The following LARP4B variants were observed in gnomAD, a reference collection of about 807,000 sequenced individuals.
LARP4B encodes la-related protein 4B.
In LARP4B, 12 loss-of-function variants were observed where a neutral mutation model predicts 89.8. The observed-to-expected ratio is 0.13, with a 90% CI of 0.09 to 0.22. The LOEUF (loss-of-function observed/expected upper bound fraction) is 0.22. Ranked by LOEUF, LARP4B falls within the 10% of genes least tolerant of loss-of-function variation. The pLI is 1.00. For synonymous variants in LARP4B, 367 were observed against 363.3 expected (o/e 1.01, Z -0.12); for missense variants, 757 against 947.7 (o/e 0.80, Z 2.64).
chr10:874,803 C>T (rs904831874), intron 3 of LARP4B, among the ~76,000 whole-genome samples: 1 of 152,026 alleles, frequency 6.6e-6, no homozygotes, highest in Non-Finnish European at 1.5e-5. Flanking sequence ...GTAACAAGAA[C>T]ACTTATGAAT....
chr10:959,203 G>C, the LARP4B span, among the ~76,000 whole-genome samples: 466 of 152,302 alleles, frequency 3.1e-3, 2 homozygotes, highest in African/African-American at 0.011. Flanking sequence ...GAAAATGTGA[G>C]ATGTACTGGG....
At chr10:867,525 T>G (rs1414737197) in intron 3 of LARP4B, among the ~76,000 whole-genome samples, 5 of 152,238 alleles carry the variant, frequency 3.3e-5, no homozygotes, top group Admixed American at 2.0e-4. Context: ...TAAAATATGG[T>G]TATTCTCTTG....
At chr10:832,847 T>C (rs887631319) in intron 8 of LARP4B, among the ~76,000 whole-genome samples, 4 of 152,162 alleles carry the variant, frequency 2.6e-5, no homozygotes, top group Non-Finnish European at 4.4e-5. Flanking sequence ...AAAGTCCAGA[T>C]TGACATAAAG....
At chr10:882,704 T>C (rs895050626) in intron 3 of LARP4B, among the ~76,000 whole-genome samples, 1 of 152,252 alleles carries the variant, frequency 6.6e-6, no homozygotes, top group Non-Finnish European at 1.5e-5. Flanking sequence ...AGTAAGCTTT[T>C]TGGAGAGGGC....
At chr10:909,350 CTCCAAGCACAGAA>C (rs888651134) in intron 1 of LARP4B, among the ~76,000 whole-genome samples, 9 of 150,274 alleles carry the variant, frequency 6.0e-5, no homozygotes, top group Admixed American at 1.3e-4. Flanking sequence ...ATGTCACTGA[CTCCAAGCACAGAA>C]TCCAACAACA....
the LARP4B span, among the ~76,000 whole-genome samples, chr10:938,983 G>A: frequency 6.6e-6 from 1 of 152,170 alleles, no homozygotes; most frequent in Non-Finnish European, 1.5e-5. Context: ...GTTGAAGCTG[G>A]GTGTGATGGG....
At chr10:858,804 A>G (rs1235715178) in intron 5 of LARP4B, among the ~76,000 whole-genome samples, 2 of 152,228 alleles carry the variant, frequency 1.3e-5, no homozygotes, top group Non-Finnish European at 2.9e-5. Flanking sequence ...ACCATTAGGG[A>G]AATGCAAGCC....
chr10:874,356 A>G (rs951477108), intron 3 of LARP4B, among the ~76,000 whole-genome samples: 2 of 152,230 alleles, frequency 1.3e-5, no homozygotes, highest in African/African-American at 2.4e-5. Flanking sequence ...TGAGCACTCC[A>G]ATTAAGAAAA....
chr10:903,492 A>C (rs1168237246), intron 1 of LARP4B: 3 of 152,238 alleles, frequency 2.0e-5, no homozygotes, highest in Admixed American at 1.3e-4. Context: ...TCTCCATAAA[A>C]ATCTTTGCTT....
In LARP4B at chr10:812,039, A is replaced by T. The variant is rs1182610717; in HGVS notation, c.*887T>A. The T allele has an allele frequency of 2.0e-5, 3 of 152,668 alleles. No homozygotes were observed. The highest frequency in any genetic ancestry group is 6.5e-5 in the Admixed American group (1 of 15,278). The allele number at this position is 152,668 out of a possible 1,614,324, so 9.5% of individuals were successfully genotyped here. A position where few individuals can be genotyped will look rare whatever the true frequency, so the allele number is the denominator to read the frequency against. On this transcript the variant is annotated 3_prime_UTR_variant, in exon 18 of 18. Transcript: ENST00000316157. ...GAGGTACAGGGAGATGTCCACACGGAGCTGAAGATGTGGACTCTCTCCAAC... is the reference window on the plus strand; with the variant it reads ...GAGGTACAGGGAGATGTCCACACGGTGCTGAAGATGTGGACTCTCTCCAAC...
chr10:923,938 A>G (rs1837061005), intron 1 of LARP4B, among the ~76,000 whole-genome samples: 1 of 152,246 alleles, frequency 6.6e-6, no homozygotes, highest in African/African-American at 2.4e-5. Context: ...TTTAAGACAT[A>G]TTTTATAAAC....
At position 928,800 on chromosome 10, in the gene LARP4B, A is replaced by C. The variant is rs77136809; in HGVS notation, c.-40+2628T>G. Among the ~76,000 whole-genome samples, 1,286 of 152,174 alleles carry C rather than the reference A, an allele frequency of 8.5e-3. 21 individuals are homozygous for C. The highest frequency in any genetic ancestry group is 0.029 in the African/African-American group (1,195 of 41,506). On this transcript the variant is annotated intron_variant, in intron 1 of 17. Transcript: ENST00000316157. ...TCTCTCTATGTTGCCCAGGCTGGTG[A>C]ACTCCTGGGCTCCTAAACTCACCTA...
chr10:900,112 G>A (rs755756060), intron 1 of LARP4B, among the ~76,000 whole-genome samples: 2 of 152,090 alleles, frequency 1.3e-5, no homozygotes, highest in African/African-American at 2.4e-5. Context: ...TTGGGAGGCC[G>A]AGGCGGGTGG....
At chr10:928,160 T>C (rs1661901623) in intron 1 of LARP4B, among the ~76,000 whole-genome samples, 1 of 150,418 alleles carries the variant, frequency 6.6e-6, no homozygotes, top group South Asian at 2.1e-4. Context: ...AGGCGGAGGA[T>C]GCAGTGAGCC....
At chr10:967,115 G>A in the LARP4B span, among the ~76,000 whole-genome samples, 1 of 152,236 alleles carries the variant, frequency 6.6e-6, no homozygotes, top group African/African-American at 2.4e-5. Flanking sequence ...CAGAGCTGCA[G>A]TCAGCCTGGT....
the LARP4B span, chr10:985,550 C>G: frequency 6.6e-6 from 1 of 152,212 alleles, no homozygotes; most frequent in Non-Finnish European, 1.5e-5. Context: ...TGTAATTCTG[C>G]AGAGAATGTC....
chr10:874,607 C>A (rs1039422009), intron 3 of LARP4B, among the ~76,000 whole-genome samples: 2 of 152,122 alleles, frequency 1.3e-5, no homozygotes, highest in Admixed American at 6.5e-5. Context: ...ATAAGTAATT[C>A]TTTTTCTTAT....
the LARP4B span, among the ~76,000 whole-genome samples, chr10:981,779 G>A: frequency 6.6e-6 from 1 of 152,084 alleles, no homozygotes; most frequent in Non-Finnish European, 1.5e-5. Flanking sequence ...ATCTTGGCCA[G>A]GCTGGTCTTG....
chr10:906,778 CATT>C (rs879705682), intron 1 of LARP4B, among the ~76,000 whole-genome samples: 1 of 152,228 alleles, frequency 6.6e-6, no homozygotes, highest in Non-Finnish European at 1.5e-5. Flanking sequence ...AAGGACATAT[CATT>C]GACTCAGGTG....
Sources: gnomAD v4.1 joint callset for allele counts (sites outside exome capture counted in the v4.1 genomes callset) on GRCh38, gnomAD v4.1.1 for gene constraint, MANE v1.5 for transcripts, NCBI Gene and HGNC (gene_info 2026-07-23, HGNC 2026-07-21) for gene names.